The following ERC2 variants were observed in gnomAD, a reference collection of about 807,000 sequenced individuals.
The protein encoded by ERC2 is ERC protein 2.
ERC2 carries 42 observed loss-of-function variants against 114.8 expected under a neutral mutation model. The observed-to-expected ratio is 0.37, with a 90% CI of 0.29 to 0.47. The LOEUF is 0.47. Among genes scored for constraint, ERC2 ranks in the 20% least tolerant of loss-of-function variants. The pLI is 0.99. For synonymous variants in ERC2, 454 were observed against 425.5 expected (o/e 1.07, Z -0.82); for missense variants, 939 against 1,150.7 (o/e 0.82, Z 2.66).
At chr3:55,864,126 C>CATATATATAT (rs1315852265) in intron 14 of ERC2, among the ~76,000 whole-genome samples, 39 of 116,736 alleles carry the variant, frequency 3.3e-4, no homozygotes, top group African/African-American at 1.2e-3. Context: ...TATACACACA[C>CATATATATAT]ACATATATAT....
At chr3:55,666,784 G>A (rs2061371691) in intron 17 of ERC2, among the ~76,000 whole-genome samples, 1 of 152,078 alleles carries the variant, frequency 6.6e-6, no homozygotes, top group Non-Finnish European at 1.5e-5. Flanking sequence ...CTGGCATAGA[G>A]CGTGTTCTCC....
At chr3:56,147,898 T>C (rs1337378119) in intron 5 of ERC2, among the ~76,000 whole-genome samples, 1 of 152,222 alleles carries the variant, frequency 6.6e-6, no homozygotes, top group African/African-American at 2.4e-5. Context: ...ATTCAGGTGC[T>C]TGGTCCATTT....
intron 3 of ERC2, among the ~76,000 whole-genome samples, chr3:56,237,076 G>T: frequency 6.6e-6 from 1 of 152,108 alleles, no homozygotes; most frequent in East Asian, 1.9e-4. Flanking sequence ...AAGCCCTTCT[G>T]CCCACTCTCC....
intron 14 of ERC2, among the ~76,000 whole-genome samples, chr3:55,842,684 C>T (rs144981195): frequency 6.6e-6 from 1 of 151,662 alleles, no homozygotes; most frequent in African/African-American, 2.4e-5. Flanking sequence ...ATCCCATTAC[C>T]TCAGTGAAAT....
In ERC2 at chr3:55,665,364, A is replaced by G. The variant is rs552075453; in HGVS notation, c.*39+18430T>C. ...ATGGATTGAGTTGTGCCCCCTCAGA[A>G]TTCATGTGTTGAAATCCTAATCCCT... On this transcript the variant is annotated intron_variant, in intron 17 of 17. Coordinates refer to ENST00000288221, the MANE Select transcript of ERC2 (RefSeq NM_015576.3). 7.9e-5 allele frequency among the ~76,000 whole-genome samples: 12 copies of G among 152,284 alleles called. No homozygotes were observed. In the East Asian group the frequency reaches 2.3e-3, roughly 29 times the overall value.
intron 15 of ERC2, among the ~76,000 whole-genome samples, chr3:55,712,259 G>A (rs1165388707): frequency 1.3e-5 from 2 of 152,164 alleles, no homozygotes; most frequent in African/African-American, 4.8e-5. Context: ...AAGTGAAGGT[G>A]GGAAGAGGGC....
At chr3:56,279,994 T>C (rs750646613) in intron 3 of ERC2, among the ~76,000 whole-genome samples, 4 of 152,104 alleles carry the variant, frequency 2.6e-5, no homozygotes, top group Non-Finnish European at 4.4e-5. Flanking sequence ...GTGAATGAGT[T>C]AAGGATTTTA....
At chr3:55,589,886 G>A (rs1285257958) in intron 17 of ERC2, among the ~76,000 whole-genome samples, 1 of 152,114 alleles carries the variant, frequency 6.6e-6, no homozygotes, top group African/African-American at 2.4e-5. Flanking sequence ...AAAAATGTGT[G>A]TGAAAGAGAA....
At chr3:55,948,007 G>A (rs1451283124) in intron 13 of ERC2, among the ~76,000 whole-genome samples, 3 of 152,124 alleles carry the variant, frequency 2.0e-5, no homozygotes, top group Non-Finnish European at 4.4e-5. Flanking sequence ...AAAATATTTC[G>A]TACTGTGCTA....
chr3:55,508,619 C>T lies in ERC2; in HGVS notation c.*2697G>A, dbSNP rs1244040949. The T allele has an allele frequency of 1.3e-5, 2 of 152,448 alleles. No homozygotes were observed. The allele number at this position is 152,448 out of a possible 1,614,324, so 9.4% of individuals were successfully genotyped here. ...GGTCTCGGGGAATTAGATACACTGA[C>T]CCTGGGCAGCATTCAATCGCCACTC... On this transcript the variant is annotated 3_prime_UTR_variant, in exon 18 of 18. Coordinates refer to ENST00000288221, the MANE Select transcript of ERC2 (RefSeq NM_015576.3).
chr3:55,581,195 A>G, intron 17 of ERC2, among the ~76,000 whole-genome samples: 1 of 152,170 alleles, frequency 6.6e-6, no homozygotes, highest in Non-Finnish European at 1.5e-5. Flanking sequence ...GTACTATGGT[A>G]TTATCAATCT....
intron 7 of ERC2, among the ~76,000 whole-genome samples, chr3:56,058,670 GA>G (rs986407909): frequency 8.5e-5 from 13 of 152,104 alleles, no homozygotes; most frequent in African/African-American, 2.9e-4. Context: ...AGGCAAGATG[GA>G]ATTCCTCAGC....
chr3:56,321,038 C>T (rs1294101623), intron 2 of ERC2, among the ~76,000 whole-genome samples: 1 of 152,154 alleles, frequency 6.6e-6, no homozygotes, highest in Admixed American at 6.5e-5. Flanking sequence ...TCTTGCTAAG[C>T]TTTTTCACAC....
Position 56,156,251 on chromosome 3 carries a change from G to A in ERC2, c.1150-7119C>T, listed in dbSNP as rs116590811. Among the ~76,000 whole-genome samples, 395 of 152,224 alleles carry A rather than the reference G, an allele frequency of 2.6e-3. 3 individuals carry two copies. Among genetic ancestry groups the A allele is most frequent in the African/African-American group, 8.8e-3 (367 of 41,552 alleles). On this transcript the variant is annotated intron_variant, in intron 4 of 17. Transcript: ENST00000288221. ...GAAAATGAGTGAATAGTTTTAAGAAGGAAGAGGAGTCAAAGGTTTGAAGAG... is the reference window on the plus strand; with the variant it reads ...GAAAATGAGTGAATAGTTTTAAGAAAGAAGAGGAGTCAAAGGTTTGAAGAG...
At chr3:55,866,861 T>G (rs927030671) in intron 14 of ERC2, among the ~76,000 whole-genome samples, 1 of 152,170 alleles carries the variant, frequency 6.6e-6, no homozygotes, top group African/African-American at 2.4e-5. Context: ...TTGTTCATCA[T>G]CAAGTCACTG....
At chr3:56,456,600 GC>G (rs2063072129) in intron 1 of ERC2, among the ~76,000 whole-genome samples, 1 of 152,066 alleles carries the variant, frequency 6.6e-6, no homozygotes, top group African/African-American at 2.4e-5. Context: ...TAAATAGTTG[GC>G]CAATTTAAGT....
At chr3:55,927,409 T>A (rs895172357) in intron 13 of ERC2, among the ~76,000 whole-genome samples, 2 of 152,142 alleles carry the variant, frequency 1.3e-5, no homozygotes, top group African/African-American at 4.8e-5. Context: ...TCCTTTTGTT[T>A]TTTTGCTTTT....
chr3:55,587,474 A>G (rs1004668607), intron 17 of ERC2, among the ~76,000 whole-genome samples: 2 of 152,236 alleles, frequency 1.3e-5, no homozygotes, highest in Non-Finnish European at 2.9e-5. Context: ...ACGTCTATCA[A>G]TGAATATTTG....
chr3:55,700,608 C>G (rs1047063059), intron 15 of ERC2, among the ~76,000 whole-genome samples: 5 of 152,166 alleles, frequency 3.3e-5, no homozygotes, highest in African/African-American at 1.2e-4. Context: ...AGACATTTTT[C>G]CTCCTTTGTA....
Sources: gnomAD v4.1 joint callset for allele counts (sites outside exome capture counted in the v4.1 genomes callset) on GRCh38, gnomAD v4.1.1 for gene constraint, MANE v1.5 for transcripts, NCBI Gene and HGNC (gene_info 2026-07-23, HGNC 2026-07-21) for gene names.